The following ABAT variants were observed in gnomAD, a reference collection of about 807,000 sequenced individuals.
ABAT encodes the protein 4-aminobutyrate aminotransferase, also known as 4-aminobutyrate aminotransferase, mitochondrial.
In ABAT, 45 loss-of-function variants were observed where a neutral mutation model predicts 64.6. That is an observed-to-expected ratio of 0.70 (90% CI 0.55 to 0.89). The LOEUF is 0.89. Among genes scored for constraint, ABAT ranks in the 40% least tolerant of loss-of-function variants. The probability of loss-of-function intolerance (pLI) is 0.00; values close to 1 mark genes in which losing one functional copy is unlikely to be tolerated. For missense variants in ABAT, 633 were observed against 658.4 expected (o/e 0.96, Z 0.42); for synonymous variants, 297 against 250.5 (o/e 1.19, Z -1.75).
At chr16:8,723,597 T>C (rs1234887624) in intron 1 of ABAT, among the ~76,000 whole-genome samples, 1 of 152,002 alleles carries the variant, frequency 6.6e-6, no homozygotes, top group Non-Finnish European at 1.5e-5. Flanking sequence ...CAGGAGCAAG[T>C]CAGAGACAGA....
At chr16:8,767,509 G>A (rs574280832) in intron 9 of ABAT, among the ~76,000 whole-genome samples, 5 of 152,294 alleles carry the variant, frequency 3.3e-5, no homozygotes, top group East Asian at 3.9e-4. Flanking sequence ...TGAAGAGCCT[G>A]TAGAAAAGGG....
At chr16:8,722,847 G>A (rs938145071) in intron 1 of ABAT, 1 of 1,289,146 alleles carries the variant, frequency 7.8e-7, no homozygotes, top group Non-Finnish European at 1.0e-6. Context: ...TTCGAGGTAG[G>A]AGCAAGGCTT....
rs80121147 is a variant in ABAT, at chr16:8,707,632, A to G, written c.-41-28067A>G. Among the ~76,000 whole-genome samples the G allele has an allele frequency of 8.1e-4, 124 of 152,318 alleles. 2 individuals are homozygous for G. In the East Asian group the frequency reaches 0.022, roughly 27 times the overall value. On this transcript the variant is annotated intron_variant, in intron 1 of 15. Coordinates refer to ENST00000268251, the MANE Select transcript of ABAT (RefSeq NM_020686.6). The stretch of plus-strand genomic sequence containing the variant: ...GGATTTACCTTTACGTCAGTTTGCA[A>G]GAGGCAAGAGAGAAGCTTACATTTC...
In ABAT at chr16:8,783,363, T is replaced by C. The variant is rs4985036; in HGVS notation, c.*1933T>C. The C allele has an allele frequency of 0.92, 139,268 of 152,072 alleles. 64,059 individuals are homozygous for C. The highest frequency in any genetic ancestry group is 0.98 in the East Asian group (5,047 of 5,144). 9.4% of individuals were successfully genotyped at this position (152,072 alleles called of 1,614,324 possible). On this transcript the variant is annotated 3_prime_UTR_variant, in exon 16 of 16. Transcript: ENST00000268251. ...CAATTCAAGCAGGCGCCAAGTGCTA[T>C]GACAGAGGTGTGAATAAAAGCATCA...
intron 1 of ABAT, among the ~76,000 whole-genome samples, chr16:8,708,240 G>C (rs1640975): frequency 0.073 from 11,113 of 152,184 alleles, 540 homozygotes; most frequent in Middle Eastern, 0.19. Context: ...GAAGTTCAGA[G>C]TTAGTTGCAG....
intron 1 of ABAT, among the ~76,000 whole-genome samples, chr16:8,729,308 A>AAAACAG (rs1167562238): frequency 6.7e-6 from 1 of 149,766 alleles, no homozygotes; most frequent in Admixed American, 6.6e-5. Context: ...TGTCTCAACA[A>AAAACAG]AAACAAAAAC....
chr16:8,764,694 G>T lies in ABAT; in HGVS notation c.448-44G>T. 1 of 1,554,704 alleles carries T rather than the reference G, an allele frequency of 6.4e-7. No individual in the cohort carries two copies. The highest frequency in any genetic ancestry group is 8.9e-7 in the Non-Finnish European group (1 of 1,126,170). On this transcript the variant is annotated intron_variant, in intron 7 of 15. Coordinates refer to ENST00000268251, the MANE Select transcript of ABAT (RefSeq NM_020686.6). This position sits in a 1 kb window ranked among gnomAD's most constrained non-coding sequence, Gnocchi z 4.2. ...CCAGCCAGGGGAAGCGGGAGGACAGGAGTCATGATGAGCCTGGGCTCACGG... is the reference window on the plus strand; with the variant it reads ...CCAGCCAGGGGAAGCGGGAGGACAGTAGTCATGATGAGCCTGGGCTCACGG...
intron 1 of ABAT, among the ~76,000 whole-genome samples, chr16:8,732,367 G>C (rs1256310953): frequency 6.6e-6 from 1 of 150,700 alleles, no homozygotes; most frequent in Admixed American, 6.6e-5. Flanking sequence ...AGGACCCTGC[G>C]GCCTTCCGCA....
At chr16:8,769,009 C>G in intron 11 of ABAT, 36 bp downstream of exon 11, 1 of 1,613,476 alleles carries the variant, frequency 6.2e-7, no homozygotes, top group Non-Finnish European at 8.5e-7. Context: ...CCCCAACCAC[C>G]AGTCCTGTTG....
chr16:8,709,211 T>G (rs1313569477), intron 1 of ABAT, among the ~76,000 whole-genome samples: 1 of 150,112 alleles, frequency 6.7e-6, no homozygotes, highest in Non-Finnish European at 1.5e-5. Context: ...TTATTTTCAG[T>G]GCTTTATTTT....
intron 2 of ABAT, chr16:8,736,228 G>A (rs373787291): frequency 1.1e-4 from 10 of 87,474 alleles, no homozygotes; most frequent in African/African-American, 1.0e-3. Flanking sequence ...CTCCCACTGG[G>A]TCCCTCCCAT....
At chr16:8,697,244 C>A (rs1277909976) in intron 1 of ABAT, among the ~76,000 whole-genome samples, 1 of 152,096 alleles carries the variant, frequency 6.6e-6, no homozygotes, top group Non-Finnish European at 1.5e-5. Flanking sequence ...TGGCAGGTCC[C>A]ACGTTGGGAG....
chr16:8,772,280 G>C (rs990324473), intron 11 of ABAT, among the ~76,000 whole-genome samples: 3,579 of 90,462 alleles, frequency 0.04, 154 homozygotes, highest in African/African-American at 0.17. Context: ...GTGTGTGTGT[G>C]TGTGTGTGTG....
At chr16:8,726,007 GC>G (rs1295966569) in intron 1 of ABAT, among the ~76,000 whole-genome samples, 7 of 151,944 alleles carry the variant, frequency 4.6e-5, no homozygotes, top group African/African-American at 1.7e-4. Context: ...CTGGGAGCCT[GC>G]CTAAACACAG....
rs7200508 is a variant in ABAT, at chr16:8,776,891, T to C, written c.1269+401T>C. Among the ~76,000 whole-genome samples the C allele has an allele frequency of 0.017, 2,530 of 151,824 alleles. 58 individuals are homozygous for C. Among genetic ancestry groups the C allele is most frequent in the South Asian group, 0.048 (228 of 4,800 alleles). Reference sequence around the variant, plus strand: ...TGGTTATCTTTCTTATTTATTTTATTTTATTTTATTTGTCTATTTATTTTT... The same window carrying C: ...TGGTTATCTTTCTTATTTATTTTATCTTATTTTATTTGTCTATTTATTTTT... On this transcript the variant is annotated intron_variant, in intron 14 of 15. Coordinates refer to ENST00000268251, the MANE Select transcript of ABAT (RefSeq NM_020686.6). The surrounding 1 kb of genome is among the most constrained non-coding windows in gnomAD (Gnocchi z 4.4).
intron 1 of ABAT, among the ~76,000 whole-genome samples, chr16:8,711,755 G>A (rs1596410804): frequency 6.6e-6 from 1 of 151,382 alleles, no homozygotes; most frequent in African/African-American, 2.4e-5. Context: ...TGGGTGGATG[G>A]ATGGGAAGAT....
At chr16:8,755,515 C>G (rs957123920) in intron 5 of ABAT, among the ~76,000 whole-genome samples, 4 of 152,186 alleles carry the variant, frequency 2.6e-5, no homozygotes, top group Non-Finnish European at 5.9e-5. Context: ...GAGAGAGACC[C>G]TGCTGCCCTG....
chr16:8,737,991 G>GAAAGAAA (rs55862439), intron 2 of ABAT, among the ~76,000 whole-genome samples: 294 of 14,926 alleles, frequency 0.02, 64 homozygotes, highest in African/African-American at 0.028. Flanking sequence ...GAAGGAAGGA[G>GAAAGAAA]GAAAGAAAGA....
chr16:8,695,242 C>T (rs1474827700), intron 1 of ABAT, among the ~76,000 whole-genome samples: 7 of 152,208 alleles, frequency 4.6e-5, no homozygotes, highest in Admixed American at 2.0e-4. Flanking sequence ...GACATCTCCC[C>T]ACTGGAGCTG....
Sources: gnomAD v4.1 joint callset for allele counts (sites outside exome capture counted in the v4.1 genomes callset) on GRCh38, gnomAD v4.1.1 for gene constraint, Gnocchi (gnomAD v3.1) non-coding constraint, MANE v1.5 for transcripts, NCBI Gene and HGNC (gene_info 2026-07-23, HGNC 2026-07-21) for gene names.